The following KAZN variants were observed in gnomAD, a reference collection of about 807,000 sequenced individuals.
KAZN encodes kazrin.
A neutral mutation model predicts 87.4 loss-of-function variants in KAZN; 40 were observed. The ratio of observed to expected loss-of-function variants is 0.46; its 90% CI spans 0.36 to 0.60. The LOEUF is 0.60. KAZN is among the 20% of genes least tolerant of loss of function. The probability of loss-of-function intolerance (pLI) is 0.00; values close to 1 mark genes in which losing one functional copy is unlikely to be tolerated. For missense variants in KAZN, 898 were observed against 1,073.9 expected (o/e 0.84, Z 2.29); for synonymous variants, 466 against 458.3 (o/e 1.02, Z -0.22).
intron 1 of KAZN, among the ~76,000 whole-genome samples, chr1:14,750,826 GTTTGGGA>G (rs1644394935): frequency 6.6e-6 from 1 of 152,202 alleles, no homozygotes; most frequent in Non-Finnish European, 1.5e-5. Flanking sequence ...TCAGGGATCA[GTTTGGGA>G]GGGTTCTCCC....
chr1:14,583,250 TA>T (rs1465258126), intron 2 of KAZN, among the ~76,000 whole-genome samples: 1 of 152,226 alleles, frequency 6.6e-6, no homozygotes, highest in Non-Finnish European at 1.5e-5. Flanking sequence ...CAGTCTAAGC[TA>T]GTACACTATC....
intron 2 of KAZN, among the ~76,000 whole-genome samples, chr1:14,986,413 G>T (rs1387123029): frequency 6.6e-6 from 1 of 152,148 alleles, no homozygotes; most frequent in African/African-American, 2.4e-5. Flanking sequence ...ATCCTTGTTT[G>T]CAGAGAGGAA....
intron 2 of KAZN, among the ~76,000 whole-genome samples, chr1:15,020,723 C>T (rs555932520): frequency 1.2e-3 from 183 of 152,282 alleles, no homozygotes; most frequent in Non-Finnish European, 2.5e-3. Context: ...CAAATAGGGC[C>T]GCTGTGAACT....
At chr1:14,261,932 C>T (rs1651055292) in intron 2 of KAZN, among the ~76,000 whole-genome samples, 1 of 152,090 alleles carries the variant, frequency 6.6e-6, no homozygotes, top group Non-Finnish European at 1.5e-5. Context: ...CCGTGGTCCC[C>T]AAATGGTGGT....
At position 14,760,851 on chromosome 1, in the gene KAZN, G is replaced by T. The variant is rs151025541; in HGVS notation, c.226+161628G>T. Reference sequence around the variant, plus strand: ...CTTAGCAAACTTTTTTCTATAGAGGGCCAGATAGTAAATACATTACACTTT... The same window carrying T: ...CTTAGCAAACTTTTTTCTATAGAGGTCCAGATAGTAAATACATTACACTTT... On this transcript the variant is annotated intron_variant, in intron 1 of 14. Transcript: ENST00000376030. Among the ~76,000 whole-genome samples the T allele has an allele frequency of 1.1e-3, 166 of 152,276 alleles. 1 individual carries two copies. The highest frequency in any genetic ancestry group is 9.5e-3 in the Admixed American group (145 of 15,294).
intron 2 of KAZN, among the ~76,000 whole-genome samples, chr1:14,375,193 C>T (rs1214409971): frequency 6.6e-6 from 1 of 152,196 alleles, no homozygotes; most frequent in African/African-American, 2.4e-5. Flanking sequence ...ATTCAGCACA[C>T]TGTCTTTTAT....
At chr1:14,774,272 C>A (rs1645109081) in intron 1 of KAZN, among the ~76,000 whole-genome samples, 1 of 152,106 alleles carries the variant, frequency 6.6e-6, no homozygotes, top group African/African-American at 2.4e-5. Context: ...CTGTGGGCCT[C>A]ACTTCTTTTC....
At chr1:14,405,290 T>C (rs1663744143) in intron 2 of KAZN, among the ~76,000 whole-genome samples, 1 of 152,194 alleles carries the variant, frequency 6.6e-6, no homozygotes, top group Non-Finnish European at 1.5e-5. Context: ...TCAAATGTGA[T>C]ATTAGAATTG....
intron 2 of KAZN, among the ~76,000 whole-genome samples, chr1:14,588,075 A>C (rs1313659356): frequency 6.6e-6 from 1 of 152,004 alleles, no homozygotes; most frequent in Admixed American, 6.6e-5. Context: ...GAGTAAATTA[A>C]CCTTCCTGAG....
At chr1:14,577,313 A>T (rs115409483) in intron 2 of KAZN, among the ~76,000 whole-genome samples, 11 of 152,328 alleles carry the variant, frequency 7.2e-5, no homozygotes, top group Non-Finnish European at 1.2e-4. Flanking sequence ...GCAGCCACAT[A>T]AAAGTTAAAT....
chr1:14,039,101 T>C (rs929054099), intron 1 of KAZN, among the ~76,000 whole-genome samples: 2 of 146,738 alleles, frequency 1.4e-5, no homozygotes, highest in Admixed American at 1.4e-4. Context: ...AACCAGGGAG[T>C]AGGAGGTTGC....
At chr1:14,675,756 G>A (rs543909016) in intron 1 of KAZN, among the ~76,000 whole-genome samples, 202 of 152,292 alleles carry the variant, frequency 1.3e-3, no homozygotes, top group African/African-American at 4.0e-3. Flanking sequence ...GTAAAAGTAC[G>A]TGCTCAATAA....
intron 1 of KAZN, among the ~76,000 whole-genome samples, chr1:14,719,563 G>A (rs186828751): frequency 2.6e-4 from 39 of 152,352 alleles, no homozygotes; most frequent in Admixed American, 1.8e-3. Context: ...AAGAAGCCAG[G>A]CGTGGTGGCT....
intron 1 of KAZN, among the ~76,000 whole-genome samples, chr1:13,946,422 A>G (rs10927964): frequency 0.14 from 21,117 of 152,206 alleles, 1,556 homozygotes; most frequent in Middle Eastern, 0.22. Flanking sequence ...TCCATAAAAT[A>G]GAAATAAAGT....
chr1:15,103,021 G>A (rs1641135342), intron 11 of KAZN, among the ~76,000 whole-genome samples: 1 of 152,238 alleles, frequency 6.6e-6, no homozygotes, highest in African/African-American at 2.4e-5. Flanking sequence ...AGCACTCTGG[G>A]AGGCCAGGGT....
intron 1 of KAZN, among the ~76,000 whole-genome samples, chr1:14,142,148 A>T (rs1218849615): frequency 7.9e-6 from 1 of 126,584 alleles, no homozygotes; most frequent in African/African-American, 3.1e-5. Flanking sequence ...AACCAGATGG[A>T]GGTAGGTTTA....
At chr1:14,819,968 C>T (rs1646690603) in intron 1 of KAZN, among the ~76,000 whole-genome samples, 1 of 152,038 alleles carries the variant, frequency 6.6e-6, no homozygotes, top group African/African-American at 2.4e-5. Context: ...TCTCAGCCTC[C>T]CAAAGTGCTA....
At chr1:14,472,948 T>G (rs1668532982) in intron 2 of KAZN, among the ~76,000 whole-genome samples, 1 of 152,166 alleles carries the variant, frequency 6.6e-6, no homozygotes, top group Non-Finnish European at 1.5e-5. Flanking sequence ...GAGAGTAAAT[T>G]GCCTGGAATA....
At chr1:14,749,773 G>A (rs1644361659) in intron 1 of KAZN, among the ~76,000 whole-genome samples, 1 of 152,088 alleles carries the variant, frequency 6.6e-6, no homozygotes, top group Non-Finnish European at 1.5e-5. Context: ...CCTCTCCTGG[G>A]AGCCATTCTC....
Sources: allele counts gnomAD v4.1 joint callset (sites outside exome capture counted in the v4.1 genomes callset), GRCh38; gene constraint gnomAD v4.1.1; transcripts MANE v1.5; gene names NCBI Gene and HGNC (gene_info 2026-07-23, HGNC 2026-07-21).